SNX8: variants seen among roughly 807,000 people sequenced by gnomAD.
SNX8 encodes sorting nexin 8, also known as sorting nexin-8.
A neutral mutation model predicts 51.6 loss-of-function variants in SNX8; 25 were observed. The observed-to-expected ratio is 0.48, with a 90% confidence interval of 0.35 to 0.68. SNX8 has a LOEUF of 0.68. SNX8 is among the 30% of genes least tolerant of loss of function. The pLI, the probability that SNX8 is intolerant of heterozygous loss-of-function variation, is 0.00. For missense variants in SNX8, 695 were observed against 624.0 expected (o/e 1.11, Z -1.21); for synonymous variants, 324 against 277.0 (o/e 1.17, Z -1.68).
At chr7:2,280,356 G>A (rs967298690) in intron 1 of SNX8, among the ~76,000 whole-genome samples, 4 of 151,890 alleles carry the variant, frequency 2.6e-5, no homozygotes, top group African/African-American at 7.3e-5. Flanking sequence ...GCGCACACCT[G>A]TAATCCCAGC....
Position 2,343,015 on chromosome 7 carries a change from G to A in SNX8, c.-66+11207C>T, listed in dbSNP as rs934647110. On this transcript the variant is annotated intron_variant, in intron 1 of 5. Transcript: ENST00000435336. ...TTACCGTATTGGTCAGGCTGGTCTT[G>A]AACTCCTGACCTTAGGTGATCCACC... is the stretch of plus-strand genomic sequence containing the variant. 5.9e-5 allele frequency among the ~76,000 whole-genome samples: 9 copies of A among 151,756 alleles called. No individual in the cohort carries two copies. In the East Asian group the frequency reaches 1.8e-3, roughly 30 times the overall value.
At chr7:2,299,216 T>C (rs1796339026) in intron 1 of SNX8, 1 of 151,704 alleles carries the variant, frequency 6.6e-6, no homozygotes, top group East Asian at 1.9e-4. Flanking sequence ...GGGAACTGCA[T>C]ATGAACCCCC....
At chr7:2,318,961 T>C (rs1035204516), upstream of SNX8, among the ~76,000 whole-genome samples, 7 of 152,064 alleles carry the variant, frequency 4.6e-5, no homozygotes, top group African/African-American at 9.7e-5. Flanking sequence ...TGAGCTGTGA[T>C]CGCATCACTG....
At chr7:2,319,852 C>T (rs1416146389) in intron 1 of SNX8, among the ~76,000 whole-genome samples, 22 of 149,014 alleles carry the variant, frequency 1.5e-4, no homozygotes, top group African/African-American at 4.9e-4. Context: ...TGGTGGCGGG[C>T]GCCTGTAGTC....
intron 1 of SNX8, among the ~76,000 whole-genome samples, chr7:2,282,300 G>A (rs1795924942): frequency 1.3e-5 from 2 of 152,160 alleles, no homozygotes; most frequent in South Asian, 4.1e-4. Context: ...CACAATGTGT[G>A]GGAGTCACAC....
At chr7:2,272,691 C>T (rs144802870) in intron 3 of SNX8, among the ~76,000 whole-genome samples, 3,124 of 151,844 alleles carry the variant, frequency 0.021, 60 homozygotes, top group Non-Finnish European at 0.036. Flanking sequence ...TTTCTATTCA[C>T]TGTGCTTATA....
intron 1 of SNX8, among the ~76,000 whole-genome samples, chr7:2,348,798 A>AG (rs1020738238): frequency 6.6e-6 from 1 of 151,776 alleles, no homozygotes; most frequent in Non-Finnish European, 1.5e-5. Flanking sequence ...ATTAAAAAAA[A>AG]AAAATTAGAC....
intron 1 of SNX8, among the ~76,000 whole-genome samples, chr7:2,352,444 T>G (rs1036354601): frequency 2.6e-5 from 4 of 152,080 alleles, no homozygotes; most frequent in Non-Finnish European, 5.9e-5. Flanking sequence ...AGACACCACA[T>G]CCACATAACT....
At chr7:2,310,930 G>A (rs1449038692) in intron 1 of SNX8, among the ~76,000 whole-genome samples, 1 of 152,124 alleles carries the variant, frequency 6.6e-6, no homozygotes, top group Admixed American at 6.6e-5. Flanking sequence ...CCCAAACTGA[G>A]AACAATGGTC....
intron 1 of SNX8, among the ~76,000 whole-genome samples, chr7:2,295,818 A>G (rs1433741184): frequency 1.3e-5 from 2 of 152,056 alleles, no homozygotes; most frequent in East Asian, 1.9e-4. Flanking sequence ...CAATTTTCCT[A>G]GCGCCACTTA....
At chr7:2,351,815 A>G (rs1779146738) in intron 1 of SNX8, among the ~76,000 whole-genome samples, 1 of 151,804 alleles carries the variant, frequency 6.6e-6, no homozygotes, top group African/African-American at 2.4e-5. Flanking sequence ...TGGGCGACAG[A>G]GTGAGACTCC....
chr7:2,347,715 G>A (rs903304156), intron 1 of SNX8, among the ~76,000 whole-genome samples: 2 of 148,536 alleles, frequency 1.3e-5, no homozygotes, highest in African/African-American at 2.5e-5. Context: ...GTGTGATCTC[G>A]GCTCACTGCA....
At chr7:2,343,751 G>A (rs1778973460) in intron 1 of SNX8, among the ~76,000 whole-genome samples, 1 of 152,118 alleles carries the variant, frequency 6.6e-6, no homozygotes, top group South Asian at 2.1e-4. Context: ...AAATGCAGTG[G>A]CTCACACCTG....
At chr7:2,317,090 G>A (rs1203473520), upstream of SNX8, among the ~76,000 whole-genome samples, 1 of 151,848 alleles carries the variant, frequency 6.6e-6, no homozygotes, top group Non-Finnish European at 1.5e-5. Context: ...CAGAGTTAGG[G>A]CTGGAGGAAT....
intron 1 of SNX8, among the ~76,000 whole-genome samples, chr7:2,323,329 CAAA>C (rs35005505): frequency 0.011 from 1,158 of 105,864 alleles, 8 homozygotes; most frequent in Non-Finnish European, 0.012. Context: ...GAGTCTGTCT[CAAA>C]AAAAAAAAAA....
At chr7:2,278,618 GACTC>G (rs71550338) in intron 1 of SNX8, among the ~76,000 whole-genome samples, 41,062 of 144,940 alleles carry the variant, frequency 0.28, 5,607 homozygotes, top group East Asian at 0.5. Flanking sequence ...GTCGACGCCG[GACTC>G]ACTCACACTA....
chr7:2,260,748 T>G (rs1795315934), intron 7 of SNX8, among the ~76,000 whole-genome samples: 1 of 152,126 alleles, frequency 6.6e-6, no homozygotes, highest in South Asian at 2.1e-4. Context: ...AAGCTCAATT[T>G]CACTACAACC....
At chr7:2,335,771 C>T (rs1438635227) in intron 1 of SNX8, among the ~76,000 whole-genome samples, 5 of 145,076 alleles carry the variant, frequency 3.4e-5, no homozygotes, top group Admixed American at 1.4e-4. Context: ...GCACTGCACT[C>T]CAGCCTGGGC....
intron 2 of SNX8, 141 bp downstream of exon 2, chr7:2,277,959 G>A (rs1462022393): frequency 3.1e-5 from 42 of 1,357,566 alleles, no homozygotes; most frequent in Admixed American, 1.1e-4. Context: ...ACTCTGCTGC[G>A]AGTTCTGGAT....
Sources: allele counts gnomAD v4.1 joint callset (sites outside exome capture counted in the v4.1 genomes callset), GRCh38; gene constraint gnomAD v4.1.1; transcripts MANE v1.5; gene names NCBI Gene and HGNC (gene_info 2026-07-23, HGNC 2026-07-21).